ITGAE: variants seen among roughly 807,000 people sequenced by gnomAD.
ITGAE encodes the protein integrin subunit alpha E, also known as integrin alpha-E.
A neutral mutation model predicts 136.5 loss-of-function variants in ITGAE; 99 were observed. That is an observed-to-expected ratio of 0.73 (90% CI 0.62 to 0.86). The LOEUF (loss-of-function observed/expected upper bound fraction) is 0.86. Among genes scored for constraint, ITGAE ranks in the 40% least tolerant of loss-of-function variants. The pLI, the probability that ITGAE is intolerant of heterozygous loss-of-function variation, is 0.00. For synonymous variants in ITGAE, 613 were observed against 591.8 expected, an observed-to-expected ratio of 1.04 and a Z score of -0.52; for missense variants, 1,447 against 1,515.3, an observed-to-expected ratio of 0.95 and a Z score of 0.75.
chr17:3,725,922 A>C, intron 26 of ITGAE: 2 of 1,613,524 alleles, frequency 1.2e-6, no homozygotes, highest in Admixed American at 1.7e-5. Context: ...AACCAGCCTC[A>C]AAAAACTCCA....
intron 21 of ITGAE, among the ~76,000 whole-genome samples, chr17:3,733,281 G>A (rs1183152): frequency 0.012 from 1,892 of 151,828 alleles, 45 homozygotes; most frequent in African/African-American, 0.042. Flanking sequence ...CACGGTGCCC[G>A]GCCTAGGAGA....
chr17:3,763,084 G>A (rs1215100771), intron 3 of ITGAE, among the ~76,000 whole-genome samples: 1 of 152,044 alleles, frequency 6.6e-6, no homozygotes, highest in African/African-American at 2.4e-5. Context: ...GTAGAGATGG[G>A]GTTTCATCAT....
chr17:3,787,698 T>G (rs536387195), intron 1 of ITGAE, among the ~76,000 whole-genome samples: 1 of 152,084 alleles, frequency 6.6e-6, no homozygotes, highest in African/African-American at 2.4e-5. Flanking sequence ...CTCTTTTTTT[T>G]TTTTTTTGAG....
At chr17:3,740,940 G>C (rs2051570439) in intron 19 of ITGAE, among the ~76,000 whole-genome samples, 1 of 152,320 alleles carries the variant, frequency 6.6e-6, no homozygotes, top group African/African-American at 2.4e-5. Flanking sequence ...ACGGCCTAGA[G>C]GGGGAATGAC....
At chr17:3,796,081 C>G (rs112632684) in intron 1 of ITGAE, among the ~76,000 whole-genome samples, 2 of 101,596 alleles carry the variant, frequency 2.0e-5, no homozygotes, top group Non-Finnish European at 4.0e-5. Flanking sequence ...TTGTGCATCC[C>G]TGTGTATGCA....
chr17:3,792,691 T>G lies in ITGAE; in HGVS notation c.34+8420A>C, dbSNP rs184184716. On this transcript the variant is annotated intron_variant, in intron 1 of 30. Coordinates refer to ENST00000263087, the MANE Select transcript of ITGAE (RefSeq NM_002208.5). ...TGAACACAGCGCTGGCTCACAGAAGTGTTCCTAAAATCCTTTGGCTTAATA... is the reference window on the plus strand; with the variant it reads ...TGAACACAGCGCTGGCTCACAGAAGGGTTCCTAAAATCCTTTGGCTTAATA... Among the ~76,000 whole-genome samples the G allele has an allele frequency of 3.2e-3, 488 of 152,332 alleles. 5 individuals carry two copies. Among genetic ancestry groups the G allele is most frequent in the African/African-American group, 0.011 (475 of 41,578 alleles).
intron 19 of ITGAE, 76 bp from the exon 20 acceptor site, chr17:3,739,954 A>T (rs1049627835): frequency 8.8e-6 from 11 of 1,247,908 alleles, no homozygotes; most frequent in Non-Finnish European, 1.2e-5. Context: ...TCTTCTCCTT[A>T]TAGGAAGTTT....
At chr17:3,715,197 T>A (rs1484135154) in intron 30 of ITGAE, among the ~76,000 whole-genome samples, 1 of 152,234 alleles carries the variant, frequency 6.6e-6, no homozygotes, top group Non-Finnish European at 1.5e-5. Context: ...CCTTTTTAAC[T>A]TATTTTGCAA....
At chr17:3,750,268 C>A in intron 16 of ITGAE, 84 bp downstream of exon 16, 1 of 1,550,648 alleles carries the variant, frequency 6.4e-7, no homozygotes. Context: ...TCCCTCAGTG[C>A]CTAATGTCTG....
At chr17:3,785,035 C>T (rs149391759) in intron 1 of ITGAE, among the ~76,000 whole-genome samples, 2,008 of 152,198 alleles carry the variant, frequency 0.013, 47 homozygotes, top group African/African-American at 0.045. Context: ...ACCTATGGTC[C>T]CAGCTACTCA....
chr17:3,729,913 G>T (rs994980074), intron 23 of ITGAE, among the ~76,000 whole-genome samples: 1 of 152,206 alleles, frequency 6.6e-6, no homozygotes, highest in African/African-American at 2.4e-5. Flanking sequence ...AAGTTCCAGG[G>T]TACATGTGCA....
rs1463681664 is a variant in ITGAE, at chr17:3,798,920, C to G, written c.34+2191G>C. Among the ~76,000 whole-genome samples the G allele has an allele frequency of 1.3e-5, 2 of 152,282 alleles. No individual in the cohort carries two copies. Among genetic ancestry groups the G allele is most frequent in the East Asian group, 3.9e-4 (2 of 5,182 alleles). ...CAGTGTCTGTCTGCACCCAATGCTT[C>G]TAAAATCTCCCTTAGACAACTGCTA... On this transcript the variant is annotated intron_variant, in intron 1 of 30. Transcript: ENST00000263087. The surrounding 1 kb of genome is among the most constrained non-coding windows in gnomAD (Gnocchi z 4.3).
At chr17:3,769,852 C>T (rs2052379286) in intron 2 of ITGAE, among the ~76,000 whole-genome samples, 1 of 151,748 alleles carries the variant, frequency 6.6e-6, no homozygotes, top group African/African-American at 2.4e-5. Context: ...ACCACCACAC[C>T]CGGTTAATTT....
rs1003356649 is a variant in ITGAE, at chr17:3,780,443, G to A, written c.35-2783C>T. Among the ~76,000 whole-genome samples, 4 of 151,968 alleles carry A rather than the reference G, an allele frequency of 2.6e-5. No individual in the cohort carries two copies. The East Asian group carries it at 7.7e-4, about 29-fold the overall frequency. On this transcript the variant is annotated intron_variant, in intron 1 of 30. Transcript: ENST00000263087. ...CTCCCAAAGTGCTGGGATTACAGGC[G>A]TGAGCCACCGCGCCTGGCCTAATTT...
intron 17 of ITGAE, 128 bp from the exon 18 acceptor site, chr17:3,746,055 G>C: frequency 1.3e-6 from 1 of 794,600 alleles, no homozygotes. Context: ...ACTTCCCTGC[G>C]GCTGGACTCC....
chr17:3,728,330 A>C, intron 24 of ITGAE, 162 bp from the exon 25 acceptor site: 1 of 605,798 alleles, frequency 1.7e-6, no homozygotes, highest in Non-Finnish European at 3.0e-6. Context: ...AGCCTGGGAA[A>C]GTGTTGGGAT....
rs2051332820 is a variant in ITGAE, at chr17:3,731,150, T to G, written c.2788A>C (p.Asn930His). The change falls in exon 23 of 31, where the codon AAT (asparagine) becomes CAT (histidine). Residue 930 changes from asparagine to histidine, a missense_variant. Asn to His is a moderately conservative substitution (Grantham distance 68). This residue lies in a region of ITGAE where 1,031 missense variants were observed against 1,011.4 expected (regional missense o/e 1.02). Coordinates refer to ENST00000263087, the MANE Select transcript of ITGAE (RefSeq NM_002208.5). ...HVSVVWQLEE[N>H]AFPNRTADIT... is the part of the protein sequence containing the mutation. ...TCTGCTGTCCTGTTTGGAAAGGCAT[T>G]CTCCTCTAGCTGCCAAACGACTGAA... 6.2e-7 allele frequency: 1 copy of G among 1,613,634 alleles called. No homozygotes were observed. The highest frequency in any genetic ancestry group is 8.5e-7 in the Non-Finnish European group (1 of 1,179,776).
chr17:3,756,390 C>T lies in ITGAE; in HGVS notation c.1172-493G>A, dbSNP rs147487112. Among the ~76,000 whole-genome samples, 174 of 150,486 alleles carry T rather than the reference C, an allele frequency of 1.2e-3. 1 individual carries two copies. The highest frequency in any genetic ancestry group is 4.0e-3 in the African/African-American group (164 of 40,958). ...TGGGAATAGAGGTCATGCGCCACCACGCCTGGCTAATTTTTTTTTTTTTTT... is the reference window on the plus strand; with the variant it reads ...TGGGAATAGAGGTCATGCGCCACCATGCCTGGCTAATTTTTTTTTTTTTTT... On this transcript the variant is annotated intron_variant, in intron 10 of 30. Transcript: ENST00000263087.
intron 27 of ITGAE, 52 bp downstream of exon 27, chr17:3,723,636 C>A: frequency 6.7e-7 from 1 of 1,500,134 alleles, no homozygotes; most frequent in Non-Finnish European, 9.0e-7. Flanking sequence ...CCTCTCGTTA[C>A]CCGCTTCAGG....
Sources: allele counts gnomAD v4.1 joint callset (sites outside exome capture counted in the v4.1 genomes callset), GRCh38; gene constraint gnomAD v4.1.1; regional missense constraint gnomAD v4.1.1; non-coding constraint Gnocchi (gnomAD v3.1); transcripts MANE v1.5; gene names NCBI Gene and HGNC (gene_info 2026-07-23, HGNC 2026-07-21).